HDAC4: variants seen among roughly 807,000 people sequenced by gnomAD.
The protein encoded by HDAC4 is histone deacetylase A.
Under a neutral mutation model 135.1 loss-of-function variants are expected in HDAC4, and 16 were observed. The ratio of observed to expected loss-of-function variants is 0.12; its 90% CI spans 0.08 to 0.18. The LOEUF is 0.18. Ranked by LOEUF, HDAC4 falls within the 10% of genes least tolerant of loss-of-function variation. The probability of loss-of-function intolerance (pLI) is 1.00; values close to 1 mark genes in which losing one functional copy is unlikely to be tolerated. For synonymous variants in HDAC4, 685 were observed against 653.4 expected, an observed-to-expected ratio of 1.05 and a Z score of -0.74; for missense variants, 1,143 against 1,511.8, an observed-to-expected ratio of 0.76 and a Z score of 4.05.
chr2:239,211,227 T>C (rs2046341741), intron 3 of HDAC4, among the ~76,000 whole-genome samples: 1 of 152,090 alleles, frequency 6.6e-6, no homozygotes, highest in African/African-American at 2.4e-5. Flanking sequence ...CAGAAGAAAA[T>C]ATATTATTTC....
chr2:239,265,678 G>C (rs948915782), intron 2 of HDAC4, among the ~76,000 whole-genome samples: 1 of 152,206 alleles, frequency 6.6e-6, no homozygotes, highest in South Asian at 2.1e-4. Context: ...ACCAACACAG[G>C]CACCCCACAA....
At chr2:239,318,848 A>C (rs2053206743) in intron 2 of HDAC4, among the ~76,000 whole-genome samples, 1 of 152,244 alleles carries the variant, frequency 6.6e-6, no homozygotes, top group African/African-American at 2.4e-5. Context: ...CTTCAGATTC[A>C]GGAAGTCCAA....
intron 1 of HDAC4, among the ~76,000 whole-genome samples, chr2:239,383,652 C>A (rs1391226545): frequency 6.6e-6 from 1 of 152,142 alleles, no homozygotes; most frequent in African/African-American, 2.4e-5. Flanking sequence ...CTCTCTGTAC[C>A]TGGTGGGAGA....
chr2:239,295,114 C>T (rs368562290), intron 2 of HDAC4, among the ~76,000 whole-genome samples: 29 of 151,524 alleles, frequency 1.9e-4, no homozygotes, highest in African/African-American at 6.5e-4. Context: ...GAGACCATCC[C>T]GGCTATAACG....
intron 2 of HDAC4, among the ~76,000 whole-genome samples, chr2:239,247,189 A>C (rs1034846473): frequency 6.6e-6 from 1 of 152,222 alleles, no homozygotes; most frequent in African/African-American, 2.4e-5. Flanking sequence ...CAGCCGGGCA[A>C]ACCAAAAGGC....
chr2:239,125,226 G>A (rs2040095011), intron 12 of HDAC4, among the ~76,000 whole-genome samples: 2 of 152,218 alleles, frequency 1.3e-5, no homozygotes, highest in African/African-American at 4.8e-5. Flanking sequence ...TGGCATGAAC[G>A]GCTGAACACC....
intron 12 of HDAC4, among the ~76,000 whole-genome samples, chr2:239,120,134 G>A (rs1308189019): frequency 3.3e-5 from 5 of 152,348 alleles, no homozygotes; most frequent in African/African-American, 9.6e-5. Context: ...CCCAGCATCC[G>A]GTGGGGCCCT....
At position 239,262,161 on chromosome 2, in the gene HDAC4, C is replaced by T. The variant is rs190878337; in HGVS notation, c.23-25497G>A. Among the ~76,000 whole-genome samples, 1,480 of 152,288 alleles carry T rather than the reference C, an allele frequency of 9.7e-3. 15 individuals carry two copies. Among genetic ancestry groups the T allele is most frequent in the Non-Finnish European group, 0.015 (1,031 of 68,028 alleles). Reference sequence around the variant, plus strand: ...CACCCCAAGGCCCAAGAAGGAGCCACGGTCCACTGAGACCCACGACAAGGT... The same window carrying T: ...CACCCCAAGGCCCAAGAAGGAGCCATGGTCCACTGAGACCCACGACAAGGT... On this transcript the variant is annotated intron_variant, in intron 2 of 26. Coordinates refer to ENST00000543185, the MANE Select transcript of HDAC4 (RefSeq NM_001378414.1). The surrounding 1 kb of genome is among the most constrained non-coding windows in gnomAD (Gnocchi z 4.1).
intron 2 of HDAC4, among the ~76,000 whole-genome samples, chr2:239,264,860 C>A (rs142880616): frequency 2.6e-5 from 4 of 152,178 alleles, no homozygotes; most frequent in Admixed American, 2.0e-4. Flanking sequence ...CTCGGTGTTC[C>A]GGGGACCTGA....
chr2:239,398,432 G>A (rs1392202370), intron 1 of HDAC4, among the ~76,000 whole-genome samples: 1 of 152,184 alleles, frequency 6.6e-6, no homozygotes, highest in Non-Finnish European at 1.5e-5. Flanking sequence ...GTCGATTACT[G>A]GGCATAAATA....
At chr2:239,394,911 T>G (rs1439397321) in intron 1 of HDAC4, among the ~76,000 whole-genome samples, 2 of 152,254 alleles carry the variant, frequency 1.3e-5, no homozygotes, top group Non-Finnish European at 2.9e-5. Flanking sequence ...GAGCCCCAGC[T>G]AGTAGAAAAG....
At chr2:239,301,482 T>A (rs1411913119) in intron 2 of HDAC4, among the ~76,000 whole-genome samples, 3 of 151,364 alleles carry the variant, frequency 2.0e-5, no homozygotes, top group African/African-American at 4.9e-5. Flanking sequence ...TTTTTTTTTT[T>A]TTTTATTTTT....
rs372587753 is a variant in HDAC4, at chr2:239,179,546, C to T, written c.340-2983G>A. 1.5e-3 allele frequency among the ~76,000 whole-genome samples: 225 copies of T among 152,314 alleles called. 1 individual carries two copies. Among genetic ancestry groups the T allele is most frequent in the Non-Finnish European group, 2.3e-3 (158 of 68,038 alleles). On this transcript the variant is annotated intron_variant, in intron 4 of 26. Coordinates refer to ENST00000543185, the MANE Select transcript of HDAC4 (RefSeq NM_001378414.1). ...GTTTCATCCCGAAACCATTCTCCTG[C>T]GTCCCCCACCCCTGTCCACAGAAAA...
At chr2:239,101,050 C>T (rs2037569438) in intron 16 of HDAC4, among the ~76,000 whole-genome samples, 2 of 152,148 alleles carry the variant, frequency 1.3e-5, no homozygotes, top group Non-Finnish European at 2.9e-5. Context: ...CCTGAGCTGT[C>T]GGAGTCTGTG....
intron 3 of HDAC4, chr2:239,190,990 A>C (rs1308043151): frequency 4.3e-6 from 2 of 465,506 alleles, no homozygotes; most frequent in Non-Finnish European, 8.8e-6. Context: ...CTGAGCCAGC[A>C]CTGCTCCTGG....
intron 24 of HDAC4, among the ~76,000 whole-genome samples, chr2:239,055,716 CAAAAA>C (rs201658364): frequency 1.4e-5 from 1 of 71,054 alleles, no homozygotes. Context: ...GACCCTGTCT[CAAAAA>C]AAAAAAAAAA....
chr2:239,139,000 CT>C (rs1463372422), intron 9 of HDAC4, among the ~76,000 whole-genome samples: 2 of 152,166 alleles, frequency 1.3e-5, no homozygotes, highest in Non-Finnish European at 1.5e-5. Flanking sequence ...CAAGCGTCCC[CT>C]GACTCCTCTC....
At position 239,262,086 on chromosome 2, in the gene HDAC4, G is replaced by A. The variant is rs2049406647; in HGVS notation, c.23-25422C>T. On this transcript the variant is annotated intron_variant, in intron 2 of 26. Coordinates refer to ENST00000543185, the MANE Select transcript of HDAC4 (RefSeq NM_001378414.1). The surrounding 1 kb of genome is among the most constrained non-coding windows in gnomAD (Gnocchi z 4.1). ...TGTCGCTCCAAGGGAAAGCCCTGAG[G>A]GACCCTCCCAACCACGCCAGCGCCG... Among the ~76,000 whole-genome samples the A allele has an allele frequency of 6.6e-6, 1 of 152,170 alleles. No homozygotes were observed. Among genetic ancestry groups the A allele is most frequent in the Non-Finnish European group, 1.5e-5 (1 of 68,036 alleles).
intron 1 of HDAC4, among the ~76,000 whole-genome samples, chr2:239,387,956 C>T (rs917503680): frequency 2.0e-5 from 3 of 152,150 alleles, no homozygotes; most frequent in Non-Finnish European, 4.4e-5. Flanking sequence ...CGCTTGGGGC[C>T]GCAGTGGCCA....
Sources: gnomAD v4.1 joint callset for allele counts (sites outside exome capture counted in the v4.1 genomes callset) on GRCh38, gnomAD v4.1.1 for gene constraint, Gnocchi (gnomAD v3.1) non-coding constraint, MANE v1.5 for transcripts, NCBI Gene and HGNC (gene_info 2026-07-23, HGNC 2026-07-21) for gene names.